Variants in TSPAN4 observed in about 807,000 individuals in gnomAD.
TSPAN4 encodes the protein tetraspanin-4.
TSPAN4 carries 38 observed loss-of-function variants against 31.5 expected under a neutral mutation model. That is an observed-to-expected ratio of 1.21 (90% CI 0.93 to 1.58). The LOEUF is 1.58. TSPAN4 is among the 40% of genes most tolerant of loss of function. The pLI is 0.00. For missense variants in TSPAN4, 330 were observed against 317.3 expected (o/e 1.04, Z -0.30); for synonymous variants, 186 against 144.6 (o/e 1.29, Z -2.06).
At position 865,692 on chromosome 11, in the gene TSPAN4, A is replaced by T; in HGVS notation, c.433-2A>T. On this transcript the variant is annotated splice_acceptor_variant, in intron 6 of 8. Coordinates refer to ENST00000397397, the MANE Select transcript of TSPAN4 (RefSeq NM_003271.5). LOFTEE classifies it high-confidence loss of function. Reference sequence around the variant, plus strand: ...TCAGCCCGACCTGAGCTTGCCCCCCAGTTCCGCTGCTGTGGCGTCTCCAAC... The same window carrying T: ...TCAGCCCGACCTGAGCTTGCCCCCCTGTTCCGCTGCTGTGGCGTCTCCAAC... The T allele has an allele frequency of 6.2e-7, 1 of 1,613,202 alleles. No individual in the cohort carries two copies. The highest frequency in any genetic ancestry group is 1.7e-4 in the Middle Eastern group (1 of 6,044).
rs149058796 is a variant in TSPAN4, at chr11:865,992, G to A, written c.639G>A (p.Ala213=). The A allele has an allele frequency of 3.5e-5, 57 of 1,611,864 alleles. No homozygotes were observed. Among genetic ancestry groups the A allele is most frequent in the Non-Finnish European group, 4.2e-5 (49 of 1,179,924 alleles). ...LAVGIFGLCT[A]LVQILGLTFA... is the part of the protein sequence containing the mutation. ...TGGGCATCTTTGGGCTGTGCACGGC[G>A]CTGGTGCAGGTATGGCCTGGGGGCC... is the stretch of plus-strand genomic sequence containing the variant. Residue 213 remains alanine, a synonymous_variant, in exon 8 of 9, where the codon GCG becomes GCA. Coordinates refer to ENST00000397397, the MANE Select transcript of TSPAN4 (RefSeq NM_003271.5).
At chr11:849,603 G>A (rs963991375) in intron 2 of TSPAN4, among the ~76,000 whole-genome samples, 1 of 151,944 alleles carries the variant, frequency 6.6e-6, no homozygotes, top group East Asian at 1.9e-4. Flanking sequence ...GGCGCCCTTC[G>A]CGAGCATCTT....
intron 3 of TSPAN4, among the ~76,000 whole-genome samples, chr11:856,605 A>G (rs2134023706): frequency 1.3e-5 from 2 of 152,262 alleles, no homozygotes; most frequent in Middle Eastern, 6.8e-3. Flanking sequence ...TCCTATTTGT[A>G]TTGAGCGTGT....
intron 4 of TSPAN4, 112 bp downstream of exon 4, chr11:862,853 G>GA: frequency 8.3e-7 from 1 of 1,197,662 alleles, no homozygotes; most frequent in Non-Finnish European, 1.1e-6. Context: ...CACCACCTCT[G>GA]GGGCCGGACC....
At chr11:859,862 C>T (rs1205146952) in intron 3 of TSPAN4, 1 of 152,242 alleles carries the variant, frequency 6.6e-6, no homozygotes, top group Admixed American at 6.5e-5. Context: ...CCTATTGGCT[C>T]CCTGCAGCCA....
intron 3 of TSPAN4, chr11:858,519 C>T (rs1313250261): frequency 5.8e-6 from 1 of 171,484 alleles, no homozygotes; most frequent in African/African-American, 2.4e-5. Flanking sequence ...CACCCCGGAT[C>T]CCACCCCCGC....
chr11:852,426 A>G (rs1044004540), intron 3 of TSPAN4, among the ~76,000 whole-genome samples: 2 of 152,150 alleles, frequency 1.3e-5, no homozygotes, highest in African/African-American at 2.4e-5. Flanking sequence ...TTTATTAATC[A>G]ATCACCACCT....
Position 865,808 on chromosome 11 carries a change from G to A in TSPAN4, c.547G>A (p.Gly183Ser), listed in dbSNP as rs746544670. Residue 183 changes from glycine (G) to serine (S), a missense_variant, in exon 7 of 9, where the codon GGC (glycine) becomes AGC (serine). Transcript: ENST00000397397. The stretch of plus-strand genomic sequence containing the variant: ...TGAGAGCTGTGGGCTGCACGCCCCC[G>A]GCACCTGGTGGAAGGCGGTGAGTGA... ...FSESCGLHAP[G>S]TWWKAPCYET... 22 of 1,612,332 alleles carry A rather than the reference G, an allele frequency of 1.4e-5. No homozygotes were observed. The highest frequency in any genetic ancestry group is 2.2e-5 in the South Asian group (2 of 90,952).
intron 3 of TSPAN4, among the ~76,000 whole-genome samples, chr11:861,721 A>C (rs950745017): frequency 1.6e-4 from 24 of 151,996 alleles, no homozygotes; most frequent in East Asian, 7.7e-4. Flanking sequence ...CAAAAAAAAA[A>C]CAAAAAAGAC....
Position 850,319 on chromosome 11 carries a change from C to T in TSPAN4, c.15C>T (p.Cys5=), listed in dbSNP as rs143104251. 1.3e-3 allele frequency: 2,046 copies of T among 1,608,502 alleles called. 26 individuals are homozygous for T. The African/African-American group carries it at 0.024, about 19-fold the overall frequency. ...AGCGCTGCGGCATGGCGCGCGCCTG[C>T]CTCCAGGCCGTCAAGTACCTCATGT... MARA[C]LQAVKYLMFA... Residue 5 remains cysteine, a synonymous_variant, in exon 3 of 9, where the codon TGC becomes TGT. Coordinates refer to ENST00000397397, the MANE Select transcript of TSPAN4 (RefSeq NM_003271.5).
rs559562229 is a variant in TSPAN4 at position 854,981 on chromosome 11, C to T, written c.63+4614C>T. 1.8e-4 allele frequency among the ~76,000 whole-genome samples: 27 copies of T among 152,362 alleles called. 1 individual carries two copies. The South Asian group carries it at 1.9e-3, about 11-fold the overall frequency. ...AAGGCCCTGACGCTGGCAACCACAGCGTGTCTGAGCCTTGGGGAGTGTGTG... is the reference window on the plus strand; with the variant it reads ...AAGGCCCTGACGCTGGCAACCACAGTGTGTCTGAGCCTTGGGGAGTGTGTG... On this transcript the variant is annotated intron_variant, in intron 3 of 8. Transcript: ENST00000397397.
chr11:866,139 A>C, intron 8 of TSPAN4, 138 bp downstream of exon 8: 2 of 903,056 alleles, frequency 2.2e-6, no homozygotes, highest in Non-Finnish European at 3.4e-6. Flanking sequence ...GGGCGAGTTC[A>C]GGGGGATGGG....
At position 848,124 on chromosome 11, in the gene TSPAN4, G is replaced by A. The variant is rs997828516; in HGVS notation, c.-18+824G>A. On this transcript the variant is annotated intron_variant, in intron 2 of 8. Transcript: ENST00000397397. This position sits in a 1 kb window ranked among gnomAD's most constrained non-coding sequence, Gnocchi z 5.7. ...CACACGGCTGAGTGTCTGCCCTCAGGTTGCACCTGCGTGGCCAGGGGAAGG... is the reference window on the plus strand; with the variant it reads ...CACACGGCTGAGTGTCTGCCCTCAGATTGCACCTGCGTGGCCAGGGGAAGG... 6.6e-6 allele frequency among the ~76,000 whole-genome samples: 1 copy of A among 152,232 alleles called. No individual in the cohort carries two copies. The highest frequency in any genetic ancestry group is 1.5e-5 in the Non-Finnish European group (1 of 68,032).
At chr11:857,859 T>A (rs1037965139) in intron 3 of TSPAN4, 8 of 152,306 alleles carry the variant, frequency 5.3e-5, no homozygotes, top group Admixed American at 6.5e-5. Context: ...CTGATGGCCA[T>A]CTCCTCTCCT....
At position 862,781 on chromosome 11, in the gene TSPAN4, C is replaced by T. The variant is rs370825526; in HGVS notation, c.255+40C>T. 67 of 1,558,642 alleles carry T rather than the reference C, an allele frequency of 4.3e-5. 1 individual carries two copies. In the South Asian group the frequency reaches 4.9e-4, roughly 12 times the overall value. On this transcript the variant is annotated intron_variant, in intron 4 of 8. Coordinates refer to ENST00000397397, the MANE Select transcript of TSPAN4 (RefSeq NM_003271.5). ...CCAAGCGATGCTCCGGGTGGGACCACGCAGGGTGGGGCTCCGGTGGCCCCC... is the reference window on the plus strand; with the variant it reads ...CCAAGCGATGCTCCGGGTGGGACCATGCAGGGTGGGGCTCCGGTGGCCCCC...
chr11:866,898 A>C lies in TSPAN4; in HGVS notation c.*268A>C. On this transcript the variant is annotated 3_prime_UTR_variant, in exon 9 of 9. Coordinates refer to ENST00000397397, the MANE Select transcript of TSPAN4 (RefSeq NM_003271.5). Reference sequence around the variant, plus strand: ...GGGAGGGGCCTCCAGCACTTTTTATATTTACGTATTCTCCAAAGCAGTGTT... The same window carrying C: ...GGGAGGGGCCTCCAGCACTTTTTATCTTTACGTATTCTCCAAAGCAGTGTT... 1 of 444,458 alleles carries C rather than the reference A, an allele frequency of 2.2e-6. No individual in the cohort carries two copies. Among genetic ancestry groups the C allele is most frequent in the Non-Finnish European group, 4.1e-6 (1 of 246,560 alleles). 27.5% of individuals were successfully genotyped at this position (444,458 alleles called of 1,614,324 possible).
intron 5 of TSPAN4, chr11:865,278 C>G (rs1441580374): frequency 3.5e-6 from 2 of 569,428 alleles, no homozygotes; most frequent in African/African-American, 3.8e-5. Context: ...CTCTGTCCCC[C>G]CAGGACCCAT....
rs1475454368 is a variant in TSPAN4 at position 865,993 on chromosome 11, C to A, written c.640C>A (p.Leu214Met). 1 of 1,612,076 alleles carries A rather than the reference C, an allele frequency of 6.2e-7. No individual in the cohort carries two copies. The highest frequency in any genetic ancestry group is 1.1e-5 in the South Asian group (1 of 91,012). ...GGGCATCTTTGGGCTGTGCACGGCG[C>A]TGGTGCAGGTATGGCCTGGGGGCCT... ...AVGIFGLCTA[L>M]VQILGLTFAM... The change falls in exon 8 of 9, where the codon CTG becomes ATG. Residue 214 changes from leucine (L) to methionine (M), a missense_variant. Leu to Met is a conservative substitution (Grantham distance 15). Coordinates refer to ENST00000397397, the MANE Select transcript of TSPAN4 (RefSeq NM_003271.5).
At chr11:859,110 A>C (rs1848256616) in intron 3 of TSPAN4, among the ~76,000 whole-genome samples, 1 of 94,668 alleles carries the variant, frequency 1.1e-5, no homozygotes, top group Non-Finnish European at 2.1e-5. Flanking sequence ...CCCCGGGCTC[A>C]CACGTGCCCT....
Sources: allele counts gnomAD v4.1 joint callset (sites outside exome capture counted in the v4.1 genomes callset), GRCh38; gene constraint gnomAD v4.1.1; non-coding constraint Gnocchi (gnomAD v3.1); transcripts MANE v1.5; gene names NCBI Gene and HGNC (gene_info 2026-07-23, HGNC 2026-07-21).